Variants in FRMPD4 observed in about 807,000 individuals in gnomAD.
FRMPD4 encodes the protein FERM and PDZ domain containing 4.
FRMPD4 carries 22 observed loss-of-function variants against 94.1 expected under a neutral mutation model. That is an observed-to-expected ratio of 0.23 (90% CI 0.17 to 0.33). The LOEUF (loss-of-function observed/expected upper bound fraction) is 0.33. Among genes scored for constraint, FRMPD4 ranks in the 10% least tolerant of loss-of-function variants. FRMPD4 has a pLI of 1.00. For synonymous variants in FRMPD4, 631 were observed against 548.6 expected, an observed-to-expected ratio of 1.15 and a Z score of -2.10; for missense variants, 1,111 against 1,339.9, an observed-to-expected ratio of 0.83 and a Z score of 2.67.
chrX:12,691,951 G>T (rs939850752), intron 8 of FRMPD4, among the ~76,000 whole-genome samples: 3 of 111,299 alleles, frequency 2.7e-5, no homozygotes, highest in Admixed American at 9.5e-5. Context: ...ACAGGTGTTT[G>T]CTGTAAATAT....
intron 9 of FRMPD4, among the ~76,000 whole-genome samples, chrX:12,695,002 G>C (rs2060114504): frequency 9.0e-6 from 1 of 111,544 alleles, no homozygotes; most frequent in African/African-American, 3.3e-5. Context: ...ATTTTTTCTA[G>C]AACAAGATGC....
chrX:12,011,234 A>G (rs1189514117), intron 3 of FRMPD4, among the ~76,000 whole-genome samples: 1 of 111,678 alleles, frequency 9.0e-6, no homozygotes, highest in African/African-American at 3.3e-5. Flanking sequence ...TGGTTTGTTT[A>G]CCTTCATGCT....
At chrX:12,035,964 G>A (rs1175737325) in intron 3 of FRMPD4, among the ~76,000 whole-genome samples, 4 of 111,801 alleles carry the variant, frequency 3.6e-5, no homozygotes, top group Non-Finnish European at 7.5e-5. Context: ...TATTTTCAAA[G>A]ATATTATACT....
chrX:11,954,591 A>G (rs1045614205), intron 3 of FRMPD4, among the ~76,000 whole-genome samples: 5 of 111,793 alleles, frequency 4.5e-5, no homozygotes, highest in African/African-American at 1.3e-4. Context: ...GTAAGGAGGG[A>G]AAAAGGTTAA....
At chrX:12,147,133 G>A (rs995055117) in intron 1 of FRMPD4, among the ~76,000 whole-genome samples, 1 of 112,140 alleles carries the variant, frequency 8.9e-6, no homozygotes, top group Non-Finnish European at 1.9e-5. Flanking sequence ...TTTCTTCATT[G>A]TGTGGTAGAT....
intron 1 of FRMPD4, among the ~76,000 whole-genome samples, chrX:12,334,934 C>T (rs917002244): frequency 3.6e-5 from 4 of 110,644 alleles, no homozygotes; most frequent in Non-Finnish European, 5.7e-5. Flanking sequence ...ATTGCATCCT[C>T]TCAATAACAC....
chrX:11,832,100 C>T (rs1021461864), intron 1 of FRMPD4, among the ~76,000 whole-genome samples: 1 of 111,782 alleles, frequency 8.9e-6, no homozygotes, highest in African/African-American at 3.3e-5. Flanking sequence ...CCTCCAGGAA[C>T]TCAAGGTCAC....
intron 2 of FRMPD4, among the ~76,000 whole-genome samples, chrX:12,584,681 CTG>C (rs1221110928): frequency 8.9e-6 from 1 of 112,219 alleles, no homozygotes; most frequent in Non-Finnish European, 1.9e-5. Flanking sequence ...AAAAAGAGGA[CTG>C]TTTTATTACT....
chrX:12,431,887 C>A (rs1397495590), intron 1 of FRMPD4, among the ~76,000 whole-genome samples: 1 of 112,063 alleles, frequency 8.9e-6, no homozygotes, highest in Non-Finnish European at 1.9e-5. Context: ...TCTGCCTTAT[C>A]TGGACTACCA....
intron 1 of FRMPD4, among the ~76,000 whole-genome samples, chrX:12,206,984 A>G (rs758683158): frequency 6.2e-5 from 7 of 112,172 alleles, no homozygotes; most frequent in Non-Finnish European, 1.3e-4. Flanking sequence ...GTTTCCTTCC[A>G]TATGAAATAG....
intron 3 of FRMPD4, among the ~76,000 whole-genome samples, chrX:12,053,431 A>AAAGG (rs1569149875): frequency 1.7e-4 from 16 of 94,640 alleles, no homozygotes; most frequent in Non-Finnish European, 2.6e-4. Context: ...AGAAAGAAAG[A>AAAGG]GAAAGAAAGA....
At chrX:12,286,341 T>C (rs1387104119) in intron 1 of FRMPD4, among the ~76,000 whole-genome samples, 1 of 111,471 alleles carries the variant, frequency 9.0e-6, no homozygotes, top group Non-Finnish European at 1.9e-5. Context: ...AAAATACTCA[T>C]TGTAAATGCA....
intron 1 of FRMPD4, among the ~76,000 whole-genome samples, chrX:12,365,326 G>A (rs1041642954): frequency 5.4e-5 from 6 of 111,716 alleles, no homozygotes; most frequent in Middle Eastern, 4.6e-3. Flanking sequence ...CTCAGCCCAG[G>A]CCTTACAGCT....
chrX:12,526,235 G>A (rs1426119523), intron 2 of FRMPD4, among the ~76,000 whole-genome samples: 4 of 111,865 alleles, frequency 3.6e-5, no homozygotes, highest in African/African-American at 1.3e-4. Flanking sequence ...TCAAAGTATA[G>A]TCTGTCTGTG....
chrX:11,974,995 G>T (rs1283389965), intron 3 of FRMPD4, among the ~76,000 whole-genome samples: 2 of 111,868 alleles, frequency 1.8e-5, no homozygotes, highest in African/African-American at 6.5e-5. Context: ...AGGATTTTTG[G>T]GGGGCAGGAA....
intron 1 of FRMPD4, among the ~76,000 whole-genome samples, chrX:12,143,859 T>C (rs756514427): frequency 2.7e-5 from 3 of 112,606 alleles, no homozygotes; most frequent in East Asian, 2.8e-4. Flanking sequence ...CCATTAGAAG[T>C]GGACATAATT....
At chrX:11,879,015 C>A (rs1291395650) in intron 3 of FRMPD4, among the ~76,000 whole-genome samples, 2 of 112,049 alleles carry the variant, frequency 1.8e-5, no homozygotes, top group Non-Finnish European at 3.8e-5. Context: ...CATAATTTTT[C>A]ATGTCAATAA....
In FRMPD4 at chrX:12,723,777, C is replaced by T. The variant is rs184379190; in HGVS notation, c.*1919C>T. 9.0e-6 allele frequency: 1 copy of T among 111,216 alleles called. No homozygotes were observed. Among genetic ancestry groups the T allele is most frequent in the East Asian group, 2.8e-4 (1 of 3,559 alleles). 9.2% of individuals were successfully genotyped at this position (111,216 alleles called of 1,213,427 possible). On this transcript the variant is annotated 3_prime_UTR_variant, in exon 17 of 17. Coordinates refer to ENST00000675598, the MANE Select transcript of FRMPD4 (RefSeq NM_001368397.1). ...TGGAGGCAATATGGATGAGTTCTTA[C>T]GGATATGGGGTTTGGGGTCAGAAAC...
intron 2 of FRMPD4, among the ~76,000 whole-genome samples, chrX:12,546,063 AAG>A (rs1366799085): frequency 8.9e-6 from 1 of 112,674 alleles, no homozygotes; most frequent in African/African-American, 3.2e-5. Context: ...ATGTCAATGA[AAG>A]AGTTGTCCAA....
Sources: gnomAD v4.1 joint callset for allele counts (sites outside exome capture counted in the v4.1 genomes callset) on GRCh38, gnomAD v4.1.1 for gene constraint, MANE v1.5 for transcripts, NCBI Gene and HGNC (gene_info 2026-07-23, HGNC 2026-07-21) for gene names.